Variants in CD37 observed in about 807,000 individuals in gnomAD.
The protein encoded by CD37 is CD37 molecule, also known as leukocyte antigen CD37.
In CD37, 37 loss-of-function variants were observed where a neutral mutation model predicts 38.9. The ratio of observed to expected loss-of-function variants is 0.95; its 90% CI spans 0.73 to 1.25. The LOEUF (loss-of-function observed/expected upper bound fraction) is 1.25, where lower values mean the gene tolerates loss of function less well. Among genes scored for constraint, CD37 ranks in the 50% most tolerant of loss-of-function variants. The pLI is 0.00. For missense variants in CD37, 351 were observed against 360.1 expected (o/e 0.97, Z 0.20); for synonymous variants, 146 against 150.1 (o/e 0.97, Z 0.20).
intron 4 of CD37, chr19:49,337,702 AAG>A: frequency 6.5e-7 from 1 of 1,532,904 alleles, no homozygotes; most frequent in East Asian, 2.5e-5. Context: ...AAGAGAGAAC[AAG>A]AGAAAGAAAT....
At chr19:49,337,548 G>A (rs1194225344) in intron 4 of CD37, 22 of 1,002,988 alleles carry the variant, frequency 2.2e-5, no homozygotes, top group Non-Finnish European at 2.9e-5. Context: ...CTTGAGCCAG[G>A]GAGTTTGAGG....
Position 49,339,200 on chromosome 19 carries a change from C to A in CD37, c.685-130C>A. On this transcript the variant is annotated intron_variant, in intron 6 of 7. Transcript: ENST00000323906. This position sits in a 1 kb window ranked among gnomAD's most constrained non-coding sequence, Gnocchi z 4.5. Reference sequence around the variant, plus strand: ...AAGCGAGGGTGCACTAGTAAGGAGACTAGAGTGCCCTGGTGACTAGGGGAG... The same window carrying A: ...AAGCGAGGGTGCACTAGTAAGGAGAATAGAGTGCCCTGGTGACTAGGGGAG... The A allele has an allele frequency of 1.2e-6, 1 of 823,068 alleles. No homozygotes were observed. Among genetic ancestry groups the A allele is most frequent in the Non-Finnish European group, 2.0e-6 (1 of 499,086 alleles). 51.0% of individuals were successfully genotyped at this position (823,068 alleles called of 1,614,324 possible).
chr19:49,335,579 C>T lies in CD37; in HGVS notation c.39C>T (p.Tyr13=), dbSNP rs1184542302. The change falls in exon 1 of 8, where the codon TAC becomes TAT. Residue 13 remains tyrosine, a synonymous_variant. Coordinates refer to ENST00000323906, the MANE Select transcript of CD37 (RefSeq NM_001774.3). This position sits in a 1 kb window ranked among gnomAD's most constrained non-coding sequence, Gnocchi z 4.6. ...AQESCLSLIK[Y]FLFVFNLFFF... ...AGAGCTGCCTCAGCCTCATCAAGTA[C>T]TTCCTCTTCGTTTTCAACCTCTTCT... 2.8e-5 allele frequency: 45 copies of T among 1,613,928 alleles called. No individual in the cohort carries two copies. The highest frequency in any genetic ancestry group is 3.8e-5 in the Non-Finnish European group (45 of 1,179,960).
At position 49,338,302 on chromosome 19, in the gene CD37, T is replaced by C; in HGVS notation, c.447+273T>C. ...CGACCAGAGGTTGTCAGGCCCCTAG[T>C]CCCAAGACCCTAGCGAGACACGGCT... On this transcript the variant is annotated intron_variant, in intron 5 of 7. Coordinates refer to ENST00000323906, the MANE Select transcript of CD37 (RefSeq NM_001774.3). The surrounding 1 kb of genome is among the most constrained non-coding windows in gnomAD (Gnocchi z 5.0). The C allele has an allele frequency of 1.2e-6, 1 of 808,730 alleles. No individual in the cohort carries two copies. The highest frequency in any genetic ancestry group is 1.8e-6 in the Non-Finnish European group (1 of 566,792). The allele number at this position is 808,730 out of a possible 1,614,324, so 50.1% of individuals were successfully genotyped here.
rs1309088340 is a variant in CD37, at chr19:49,337,918, C to T, written c.343-7C>T. The T allele has an allele frequency of 6.2e-7, 1 of 1,613,902 alleles. No homozygotes were observed. Among genetic ancestry groups the T allele is most frequent in the Non-Finnish European group, 8.5e-7 (1 of 1,179,980 alleles). ...GATAAGGCCCAGCCTCACTGGTGGCCTCTCAGCTGGAGCGAAGCTTGCGGG... is the reference window on the plus strand; with the variant it reads ...GATAAGGCCCAGCCTCACTGGTGGCTTCTCAGCTGGAGCGAAGCTTGCGGG... On this transcript the variant is annotated splice_region_variant and splice_polypyrimidine_tract_variant and intron_variant, in intron 4 of 7. Transcript: ENST00000323906.
Position 49,335,838 on chromosome 19 carries a change from C to G in CD37, c.142+52C>G, listed in dbSNP as rs1459720693. 6.9e-7 allele frequency: 1 copy of G among 1,456,534 alleles called. No individual in the cohort carries two copies. The highest frequency in any genetic ancestry group is 2.3e-5 in the East Asian group (1 of 44,162). 90.2% of individuals were successfully genotyped at this position (1,456,534 alleles called of 1,614,324 possible). On this transcript the variant is annotated intron_variant, in intron 2 of 7. Transcript: ENST00000323906. The surrounding 1 kb of genome is among the most constrained non-coding windows in gnomAD (Gnocchi z 4.6). The stretch of plus-strand genomic sequence containing the variant: ...GGCCTCCCCCAACCCAAGCAACTTC[C>G]TGGGGTCTCCCTTGTCTCAGGGAGA...
Position 49,335,500 on chromosome 19 carries a change from C to A in CD37, c.-41C>A. ...CCTGTCTCCCCCACTGTCAGCACCT[C>A]TTCTGTGTGGTGAGTGGACCGCTTA... On this transcript the variant is annotated 5_prime_UTR_variant, in exon 1 of 8. Coordinates refer to ENST00000323906, the MANE Select transcript of CD37 (RefSeq NM_001774.3). This position sits in a 1 kb window ranked among gnomAD's most constrained non-coding sequence, Gnocchi z 4.6. 2 of 1,456,434 alleles carry A rather than the reference C, an allele frequency of 1.4e-6. No homozygotes were observed. The highest frequency in any genetic ancestry group is 1.9e-6 in the Non-Finnish European group (2 of 1,036,370). 90.2% of individuals were successfully genotyped at this position (1,456,434 alleles called of 1,614,324 possible). A position where few individuals can be genotyped will look rare whatever the true frequency, so the allele number is the denominator to read the frequency against.
chr19:49,335,886 GCAGGCTA>G lies in CD37; in HGVS notation c.142+107_142+113del. On this transcript the variant is annotated intron_variant, in intron 2 of 7. Coordinates refer to ENST00000323906, the MANE Select transcript of CD37 (RefSeq NM_001774.3). The surrounding 1 kb of genome is among the most constrained non-coding windows in gnomAD (Gnocchi z 4.6). ...AGACCTACGGTGCCCTACTCTGCAGGCAGGCTACAGGCTCCCATCCACTGCTCACCGG... is the reference window on the plus strand; with the variant it reads ...AGACCTACGGTGCCCTACTCTGCAGGCAGGCTCCCATCCACTGCTCACCGG... 1 of 946,278 alleles carries G rather than the reference GCAGGCTA, an allele frequency of 1.1e-6. No individual in the cohort carries two copies. The highest frequency in any genetic ancestry group is 1.7e-6 in the Non-Finnish European group (1 of 590,128). The allele number at this position is 946,278 out of a possible 1,614,324, so 58.6% of individuals were successfully genotyped here. A position where few individuals can be genotyped will look rare whatever the true frequency, so the allele number is the denominator to read the frequency against.
At position 49,339,541 on chromosome 19, in the gene CD37, C is replaced by T. The variant is rs1383106835; in HGVS notation, c.768+128C>T. 1.3e-6 allele frequency: 2 copies of T among 1,482,162 alleles called. No individual in the cohort carries two copies. The highest frequency in any genetic ancestry group is 2.3e-5 in the East Asian group (1 of 42,636). 91.8% of individuals were successfully genotyped at this position (1,482,162 alleles called of 1,614,324 possible). ...GGAGCGCAGCCCACCCCGGCCCTCC[C>T]GCCGCTCCACCCAGCACCGGAGGGT... On this transcript the variant is annotated intron_variant, in intron 7 of 7. Transcript: ENST00000323906. The surrounding 1 kb of genome is among the most constrained non-coding windows in gnomAD (Gnocchi z 4.5).
rs1971160817 is a variant in CD37 at position 49,340,118 on chromosome 19, T to A, written c.769-133T>A. 2.6e-6 allele frequency: 4 copies of A among 1,538,780 alleles called. No individual in the cohort carries two copies. In the Admixed American group the frequency reaches 7.4e-5, roughly 29 times the overall value. ...GTTCCCGTCGAGCCCCGCCCTTTTCTACCTATCCCCTTCTCCAGCCCCTTC... is the reference window on the plus strand; with the variant it reads ...GTTCCCGTCGAGCCCCGCCCTTTTCAACCTATCCCCTTCTCCAGCCCCTTC... On this transcript the variant is annotated intron_variant, in intron 7 of 7. Coordinates refer to ENST00000323906, the MANE Select transcript of CD37 (RefSeq NM_001774.3).
Position 49,339,531 on chromosome 19 carries a change from C to G in CD37, c.768+118C>G. The G allele has an allele frequency of 6.8e-7, 1 of 1,471,582 alleles. No homozygotes were observed. Among genetic ancestry groups the G allele is most frequent in the South Asian group, 1.3e-5 (1 of 79,858 alleles). 91.2% of individuals were successfully genotyped at this position (1,471,582 alleles called of 1,614,324 possible). ...AGCTCAGGGCGGAGCGCAGCCCACC[C>G]CGGCCCTCCCGCCGCTCCACCCAGC... is the stretch of plus-strand genomic sequence containing the variant. On this transcript the variant is annotated intron_variant, in intron 7 of 7. Coordinates refer to ENST00000323906, the MANE Select transcript of CD37 (RefSeq NM_001774.3). This position sits in a 1 kb window ranked among gnomAD's most constrained non-coding sequence, Gnocchi z 4.5.
Position 49,338,094 on chromosome 19 carries a change from T to G in CD37, c.447+65T>G. ...CCTCAGCCCTGTGCTTGGAGGAGAC[T>G]CCACCCCAACGTGGGCCCGACCCCC... On this transcript the variant is annotated intron_variant, in intron 5 of 7. Transcript: ENST00000323906. This position sits in a 1 kb window ranked among gnomAD's most constrained non-coding sequence, Gnocchi z 5.0. The G allele has an allele frequency of 6.3e-7, 1 of 1,581,028 alleles. No individual in the cohort carries two copies. Among genetic ancestry groups the G allele is most frequent in the Non-Finnish European group, 8.6e-7 (1 of 1,163,274 alleles).
rs368729573 is a variant in CD37 at position 49,337,006 on chromosome 19, C to G, written c.240C>G (p.Leu80=). 1 of 1,613,396 alleles carries G rather than the reference C, an allele frequency of 6.2e-7. No homozygotes were observed. Among genetic ancestry groups the G allele is most frequent in the Non-Finnish European group, 8.5e-7 (1 of 1,179,656 alleles). ...GIALLGCVGA[L]KELRCLLGLY... ...CCCTCCTGGGTTGTGTGGGGGCCCT[C>G]AAGGAGCTCCGCTGCCTCCTGGGCC... The change falls in exon 3 of 8, where the codon CTC becomes CTG. Residue 80 remains leucine, a synonymous_variant. Transcript: ENST00000323906.
Position 49,335,544 on chromosome 19 carries a change from TCAG to T in CD37, c.6_8del (p.Ala3del). The T allele has an allele frequency of 6.2e-7, 1 of 1,613,568 alleles. No homozygotes were observed. The highest frequency in any genetic ancestry group is 1.1e-5 in the South Asian group (1 of 91,076). Reference sequence around the variant, plus strand: ...CCGCTTACCCCACTAGGTGAAGATGTCAGCCCAGGAGAGCTGCCTCAGCCTCAT... The same window carrying T: ...CCGCTTACCCCACTAGGTGAAGATGTCCCAGGAGAGCTGCCTCAGCCTCAT... On this transcript the variant is annotated inframe_deletion, in exon 1 of 8. Transcript: ENST00000323906. This position sits in a 1 kb window ranked among gnomAD's most constrained non-coding sequence, Gnocchi z 4.6.
At position 49,337,973 on chromosome 19, in the gene CD37, G is replaced by A. The variant is rs147415665; in HGVS notation, c.391G>A (p.Gly131Ser). 9.3e-6 allele frequency: 15 copies of A among 1,614,062 alleles called. No individual in the cohort carries two copies. The Admixed American group carries it at 1.8e-4, about 20-fold the overall frequency. Residue 131 changes from glycine (G) to serine (S), a missense_variant, in exon 5 of 8, where the codon GGC becomes AGC. Transcript: ENST00000323906. ...DVVEKTIQKY[G>S]TNPEETAAEE... ...CGTAGAGAAAACCATCCAAAAGTAC[G>A]GCACCAACCCCGAGGAGACCGCGGC...
chr19:49,338,931 C>A lies in CD37; in HGVS notation c.679C>A (p.Arg227Ser). 2 of 1,611,258 alleles carry A rather than the reference C, an allele frequency of 1.2e-6. No individual in the cohort carries two copies. The highest frequency in any genetic ancestry group is 1.7e-4 in the Middle Eastern group (1 of 6,056). Residue 227 changes from arginine (R) to serine (S), a missense_variant, in exon 6 of 8, where the codon CGC (arginine) becomes AGC (serine). Physicochemically the swap from Arg to Ser is moderately radical, Grantham distance 110 (BLOSUM62 -1). Coordinates refer to ENST00000323906, the MANE Select transcript of CD37 (RefSeq NM_001774.3). The surrounding 1 kb of genome is among the most constrained non-coding windows in gnomAD (Gnocchi z 5.0). The part of the protein sequence containing the change: ...CAVPAESHIY[R>S]EGCAQGLQKW... ...TGTCCCTGCAGAGAGCCACATCTAC[C>A]GCGAGGTGGGCAGGGGTTCGGAGCA...
chr19:49,339,072 C>A lies in CD37; in HGVS notation c.684+136C>A. 1 of 764,196 alleles carries A rather than the reference C, an allele frequency of 1.3e-6. No homozygotes were observed. The highest frequency in any genetic ancestry group is 2.6e-5 in the East Asian group (1 of 38,760). The allele number at this position is 764,196 out of a possible 1,614,324, so 47.3% of individuals were successfully genotyped here. On this transcript the variant is annotated intron_variant, in intron 6 of 7. Coordinates refer to ENST00000323906, the MANE Select transcript of CD37 (RefSeq NM_001774.3). The surrounding 1 kb of genome is among the most constrained non-coding windows in gnomAD (Gnocchi z 4.5). ...AAGGTACGGCAGGAGGGGCGGGGCC[C>A]TCTGAAGGGGGCGGGGTCTGCAGGA...
At chr19:49,337,594 G>C in intron 4 of CD37, 1 of 1,409,022 alleles carries the variant, frequency 7.1e-7, no homozygotes, top group Non-Finnish European at 9.4e-7. Flanking sequence ...GGGTGACAGA[G>C]TGAGACCCTG....
intron 4 of CD37, 129 bp downstream of exon 4, chr19:49,337,350 C>G (rs1262709062): frequency 5.3e-6 from 5 of 944,498 alleles, no homozygotes; most frequent in Non-Finnish European, 8.2e-6. Context: ...AAATAAGAGG[C>G]TGGGCCTGGT....
Sources: allele counts gnomAD v4.1 joint callset, GRCh38; gene constraint gnomAD v4.1.1; non-coding constraint Gnocchi (gnomAD v3.1); transcripts MANE v1.5; gene names NCBI Gene and HGNC (gene_info 2026-07-23, HGNC 2026-07-21).